Variants in OSBPL10 observed in about 807,000 individuals in gnomAD.
OSBPL10 encodes the protein oxysterol binding protein like 10.
OSBPL10 carries 49 observed loss-of-function variants against 81.7 expected under a neutral mutation model. The ratio of observed to expected loss-of-function variants is 0.60; its 90% CI spans 0.48 to 0.76. The LOEUF (loss-of-function observed/expected upper bound fraction) is 0.76, where lower values mean the gene tolerates loss of function less well. OSBPL10 is among the 30% of genes least tolerant of loss of function. The pLI, the probability that OSBPL10 is intolerant of heterozygous loss-of-function variation, is 0.00. For synonymous variants in OSBPL10, 419 were observed against 383.6 expected (o/e 1.09, Z -1.08); for missense variants, 923 against 987.8 (o/e 0.93, Z 0.88).
At chr3:31,934,956 G>C (rs1697345435) in intron 1 of OSBPL10, among the ~76,000 whole-genome samples, 2 of 152,170 alleles carry the variant, frequency 1.3e-5, no homozygotes. Context: ...GGCTGGTAGA[G>C]TAGTTGCAAG....
At chr3:31,876,170 G>C (rs1027721572) in intron 3 of OSBPL10, among the ~76,000 whole-genome samples, 1 of 152,002 alleles carries the variant, frequency 6.6e-6, no homozygotes, top group Non-Finnish European at 1.5e-5. Flanking sequence ...ATTAACAGCT[G>C]CCTAAATTGA....
rs1210964292 is a variant in OSBPL10 at position 31,662,092 on chromosome 3, G to T, written c.2275C>A (p.Pro759Thr). The T allele has an allele frequency of 1.2e-6, 2 of 1,613,940 alleles. No individual in the cohort carries two copies. Among genetic ancestry groups the T allele is most frequent in the Non-Finnish European group, 1.7e-6 (2 of 1,179,984 alleles). Residue 759 changes from proline to threonine, a missense_variant, in exon 12 of 12, where the codon CCC (proline) becomes ACC (threonine). Transcript: ENST00000396556. ...QEGDGWVYFNPLWKAH is the reference protein window; with the variant it reads ...QEGDGWVYFNTLWKAH ...CCCCATCAGTGTGCTTTCCAGAGGG[G>T]ATTGAAGTATACCCAGCCATCGCCC... is the stretch of plus-strand genomic sequence containing the variant.
intron 1 of OSBPL10, among the ~76,000 whole-genome samples, chr3:31,978,204 C>T (rs559428513): frequency 2.5e-4 from 38 of 152,268 alleles, no homozygotes; most frequent in African/African-American, 8.9e-4. Flanking sequence ...GAACCAAGAA[C>T]TTGGTTGCTA....
chr3:31,812,802 GAAAGAAAGAA>G (rs1699735630), intron 4 of OSBPL10, among the ~76,000 whole-genome samples: 4 of 50,142 alleles, frequency 8.0e-5, no homozygotes, highest in African/African-American at 2.7e-4. Context: ...AAGAAAGAAA[GAAAGAAAGAA>G]AGAAAGAGAA....
At chr3:31,770,203 T>C (rs1409840544) in intron 4 of OSBPL10, among the ~76,000 whole-genome samples, 1 of 152,212 alleles carries the variant, frequency 6.6e-6, no homozygotes, top group Non-Finnish European at 1.5e-5. Flanking sequence ...GAGGCTAATG[T>C]TCAGGTTTAA....
intron 8 of OSBPL10, 49 bp downstream of exon 8, chr3:31,683,585 A>G (rs1268558366): frequency 6.3e-7 from 1 of 1,575,526 alleles, no homozygotes; most frequent in Non-Finnish European, 8.6e-7. Flanking sequence ...TACCAGGTAT[A>G]GAAACGTCAC....
chr3:32,074,172 C>T (rs976316792), intron 1 of OSBPL10, among the ~76,000 whole-genome samples: 6 of 152,232 alleles, frequency 3.9e-5, no homozygotes, highest in Non-Finnish European at 7.4e-5. Context: ...CCTCACTTTA[C>T]CCGCCTGAGG....
At chr3:31,946,298 G>A (rs1288876161) in intron 1 of OSBPL10, among the ~76,000 whole-genome samples, 2 of 150,906 alleles carry the variant, frequency 1.3e-5, no homozygotes, top group Non-Finnish European at 2.9e-5. Context: ...GTTTTTTAAT[G>A]AAAAGGGGGA....
chr3:31,733,325 C>A lies in OSBPL10; in HGVS notation c.1027G>T (p.Ala343Ser). 1.2e-6 allele frequency: 2 copies of A among 1,613,520 alleles called. No individual in the cohort carries two copies. The highest frequency in any genetic ancestry group is 1.7e-6 in the Non-Finnish European group (2 of 1,179,932). ...GGTAAAATTGCCCAGGTTATGTTGG[C>A]ACTGGCTGATGGCAAAGAGCCAAGT... ...GTLGSLPSAS[A>S]NITWAILPNS... The change falls in exon 6 of 12, where the codon GCC becomes TCC. Residue 343 changes from alanine (A) to serine (S), a missense_variant. This residue lies in a region of OSBPL10 where 514 missense variants were observed against 508.0 expected (regional missense o/e 1.01). Coordinates refer to ENST00000396556, the MANE Select transcript of OSBPL10 (RefSeq NM_017784.5).
chr3:32,039,066 T>G (rs1330824397), intron 2 of OSBPL10, among the ~76,000 whole-genome samples: 1 of 152,174 alleles, frequency 6.6e-6, no homozygotes, highest in Non-Finnish European at 1.5e-5. Context: ...GGCTCATGCC[T>G]GTAATCCTAG....
At chr3:31,946,991 A>T (rs1301366464) in intron 1 of OSBPL10, among the ~76,000 whole-genome samples, 1 of 152,190 alleles carries the variant, frequency 6.6e-6, no homozygotes, top group Non-Finnish European at 1.5e-5. Flanking sequence ...TGGCTGTTAG[A>T]TACTGACAAA....
chr3:31,994,795 C>A (rs1337191636), intron 2 of OSBPL10, among the ~76,000 whole-genome samples: 1 of 152,148 alleles, frequency 6.6e-6, no homozygotes, highest in Non-Finnish European at 1.5e-5. Context: ...GGCCATAAAA[C>A]AAATACCCCA....
chr3:31,748,643 CAAAA>C (rs5847713), intron 4 of OSBPL10, among the ~76,000 whole-genome samples: 1 of 127,714 alleles, frequency 7.8e-6, no homozygotes, highest in East Asian at 2.3e-4. Context: ...CGCTCGCTTG[CAAAA>C]AAAAAAAAAA....
chr3:31,876,594 G>T (rs978316705), intron 2 of OSBPL10, 82 bp from the exon 3 acceptor site: 22 of 1,175,344 alleles, frequency 1.9e-5, no homozygotes, highest in Non-Finnish European at 2.7e-5. Flanking sequence ...CCCACCTAAG[G>T]GGGTGGGGAG....
chr3:31,782,514 G>A (rs190100226), intron 4 of OSBPL10, among the ~76,000 whole-genome samples: 104 of 152,204 alleles, frequency 6.8e-4, no homozygotes, highest in African/African-American at 2.3e-3. Context: ...AACCCACAAA[G>A]TAGGAGAAAA....
At chr3:31,886,719 A>AT (rs1224144651) in intron 1 of OSBPL10, among the ~76,000 whole-genome samples, 1 of 152,156 alleles carries the variant, frequency 6.6e-6, no homozygotes, top group Non-Finnish European at 1.5e-5. Flanking sequence ...AGGCGGGCGG[A>AT]TCACGAGGTC....
At chr3:31,997,913 G>A (rs1272216924) in intron 2 of OSBPL10, among the ~76,000 whole-genome samples, 1 of 151,966 alleles carries the variant, frequency 6.6e-6, no homozygotes, top group Non-Finnish European at 1.5e-5. Flanking sequence ...TTAGCCTCCC[G>A]AGTAGCTGGG....
chr3:31,736,622 G>A (rs1213527752), intron 5 of OSBPL10, among the ~76,000 whole-genome samples: 1 of 152,164 alleles, frequency 6.6e-6, no homozygotes, highest in Admixed American at 6.5e-5. Context: ...ATAGAGGGGT[G>A]CTATTTGAAA....
At chr3:31,853,131 A>G (rs1700811286) in intron 3 of OSBPL10, among the ~76,000 whole-genome samples, 1 of 152,180 alleles carries the variant, frequency 6.6e-6, no homozygotes, top group Non-Finnish European at 1.5e-5. Context: ...GGAAGATGCC[A>G]TTAAGATAAG....
Sources: gnomAD v4.1 joint callset for allele counts (sites outside exome capture counted in the v4.1 genomes callset) on GRCh38, gnomAD v4.1.1 for gene constraint, gnomAD v4.1.1 regional missense constraint, MANE v1.5 for transcripts, NCBI Gene and HGNC (gene_info 2026-07-23, HGNC 2026-07-21) for gene names.